EIF4EBP1: variants seen among roughly 807,000 people sequenced by gnomAD.
EIF4EBP1 encodes eukaryotic translation initiation factor 4E-binding protein 1.
A neutral mutation model predicts 9.2 loss-of-function variants in EIF4EBP1; 5 were observed. That is an observed-to-expected ratio of 0.54 (90% CI 0.28 to 1.14). The LOEUF (loss-of-function observed/expected upper bound fraction) is 1.14. Ranked by LOEUF, EIF4EBP1 falls within the 50% of genes most tolerant of loss-of-function variation. EIF4EBP1 has a pLI of 0.09. For missense variants in EIF4EBP1, 139 were observed against 169.6 expected, an observed-to-expected ratio of 0.82 and a Z score of 1.00; for synonymous variants, 62 against 67.0, an observed-to-expected ratio of 0.93 and a Z score of 0.36.
At chr8:38,052,659 A>T (rs1809540605) in intron 1 of EIF4EBP1, among the ~76,000 whole-genome samples, 1 of 151,880 alleles carries the variant, frequency 6.6e-6, no homozygotes, top group African/African-American at 2.4e-5. Flanking sequence ...CAGAGGTTAC[A>T]GTGAGCCGAG....
chr8:38,056,560 C>A (rs1053826587), intron 1 of EIF4EBP1, among the ~76,000 whole-genome samples: 1 of 152,164 alleles, frequency 6.6e-6, no homozygotes, highest in South Asian at 2.1e-4. Context: ...GGCCTGCAGA[C>A]CCCTTCCATT....
At chr8:38,051,817 G>A (rs531913600) in intron 1 of EIF4EBP1, among the ~76,000 whole-genome samples, 141 of 152,166 alleles carry the variant, frequency 9.3e-4, no homozygotes, top group Middle Eastern at 3.4e-3. Context: ...GGCTGGTCTC[G>A]AACTCCTGAC....
rs888102587 is a variant in EIF4EBP1 at position 38,060,315 on chromosome 8, C to G, written c.*380C>G. 2.9e-5 allele frequency: 9 copies of G among 314,808 alleles called. No homozygotes were observed. Among genetic ancestry groups the G allele is most frequent in the Non-Finnish European group, 4.2e-5 (7 of 167,214 alleles). 19.5% of individuals were successfully genotyped at this position (314,808 alleles called of 1,614,324 possible). ...GATGTGCTTGGGAAAGCTCCCTCCC[C>G]CTCCTTCCCCAAGAGAGGAAATAAA... On this transcript the variant is annotated 3_prime_UTR_variant, in exon 3 of 3. Coordinates refer to ENST00000338825, the MANE Select transcript of EIF4EBP1 (RefSeq NM_004095.4).
chr8:38,053,364 C>A (rs1809551715), intron 1 of EIF4EBP1, among the ~76,000 whole-genome samples: 1 of 152,092 alleles, frequency 6.6e-6, no homozygotes, highest in Non-Finnish European at 1.5e-5. Context: ...TGTTCTGTCG[C>A]CCAGGCTGGA....
At chr8:38,040,322 G>A (rs1226662058) in intron 1 of EIF4EBP1, among the ~76,000 whole-genome samples, 1 of 152,200 alleles carries the variant, frequency 6.6e-6, no homozygotes, top group African/African-American at 2.4e-5. Context: ...ATTTGGGTAT[G>A]CACAGCAAAG....
At chr8:38,050,722 C>T (rs1563235116) in intron 1 of EIF4EBP1, among the ~76,000 whole-genome samples, 1 of 152,126 alleles carries the variant, frequency 6.6e-6, no homozygotes, top group Non-Finnish European at 1.5e-5. Context: ...AACTGATCCT[C>T]CCACCTCAGC....
At chr8:38,040,456 G>C (rs1809361957) in intron 1 of EIF4EBP1, among the ~76,000 whole-genome samples, 1 of 152,190 alleles carries the variant, frequency 6.6e-6, no homozygotes, top group Admixed American at 6.5e-5. Context: ...GTATCAGTTA[G>C]CTATTGCTAT....
intron 1 of EIF4EBP1, among the ~76,000 whole-genome samples, chr8:38,053,818 A>G (rs1809556273): frequency 6.6e-6 from 1 of 152,202 alleles, no homozygotes; most frequent in Non-Finnish European, 1.5e-5. Flanking sequence ...CAAATCCTGT[A>G]TGATTTCACT....
rs547948030 is a variant in EIF4EBP1, at chr8:38,051,876, C to T, written c.146-5205C>T. ...CCTCCCAAAGTGCTGGGATTACAGG[C>T]GTGAGCCACTGCGCCCAGCCTGTTT... On this transcript the variant is annotated intron_variant, in intron 1 of 2. Transcript: ENST00000338825. 9.9e-4 allele frequency among the ~76,000 whole-genome samples: 151 copies of T among 152,254 alleles called. 3 individuals carry two copies. The highest frequency in any genetic ancestry group is 1.8e-4 in the Non-Finnish European group (12 of 68,018).
At chr8:38,058,563 A>G (rs1267134973) in intron 2 of EIF4EBP1, among the ~76,000 whole-genome samples, 6 of 152,040 alleles carry the variant, frequency 3.9e-5, no homozygotes, top group Non-Finnish European at 8.8e-5. Flanking sequence ...GGACCCCCCA[A>G]ACTCATGTCC....
At position 38,048,364 on chromosome 8, in the gene EIF4EBP1, C is replaced by G. The variant is rs978395559; in HGVS notation, c.146-8717C>G. Among the ~76,000 whole-genome samples, 8 of 151,910 alleles carry G rather than the reference C, an allele frequency of 5.3e-5. 1 individual carries two copies. The highest frequency in any genetic ancestry group is 2.6e-4 in the Admixed American group (4 of 15,236). ...AGCCAAGTACTATCTATAATAATAG[C>G]ATTTCCACTTTTATATATATATATT... On this transcript the variant is annotated intron_variant, in intron 1 of 2. Coordinates refer to ENST00000338825, the MANE Select transcript of EIF4EBP1 (RefSeq NM_004095.4).
intron 1 of EIF4EBP1, among the ~76,000 whole-genome samples, chr8:38,052,851 C>T (rs1473968664): frequency 6.6e-6 from 1 of 152,130 alleles, no homozygotes; most frequent in Non-Finnish European, 1.5e-5. Flanking sequence ...CCTCACCCAG[C>T]CTTCGGCTGA....
intron 1 of EIF4EBP1, among the ~76,000 whole-genome samples, chr8:38,043,748 A>AC (rs1809414892): frequency 6.6e-6 from 1 of 151,830 alleles, no homozygotes; most frequent in South Asian, 2.1e-4. Context: ...GCTTCATAAG[A>AC]CCCCTGGCCC....
chr8:38,057,135 T>G lies in EIF4EBP1; in HGVS notation c.200T>G (p.Val67Gly). 1 of 1,614,228 alleles carries G rather than the reference T, an allele frequency of 6.2e-7. No individual in the cohort carries two copies. Among genetic ancestry groups the G allele is most frequent in the Non-Finnish European group, 8.5e-7 (1 of 1,180,048 alleles). The change falls in exon 2 of 3, where the codon GTG (valine) becomes GGG (glycine). Residue 67 changes from valine to glycine, a missense_variant. Transcript: ENST00000338825. ...CTGATGGAGTGTCGGAACTCACCTG[T>G]GACCAAAACACCCCCAAGGGATCTG... is the stretch of plus-strand genomic sequence containing the variant. ...KFLMECRNSP[V>G]TKTPPRDLPT... is the part of the protein sequence containing the mutation.
intron 1 of EIF4EBP1, among the ~76,000 whole-genome samples, chr8:38,031,681 C>T (rs538584007): frequency 1.3e-5 from 2 of 152,320 alleles, no homozygotes; most frequent in African/African-American, 4.8e-5. Flanking sequence ...GGGCCACATG[C>T]TTATTTTCTC....
intron 1 of EIF4EBP1, among the ~76,000 whole-genome samples, chr8:38,047,961 A>G (rs947680435): frequency 1.3e-5 from 2 of 152,128 alleles, no homozygotes; most frequent in African/African-American, 4.8e-5. Flanking sequence ...ACTTGAGCCC[A>G]GAAGTTTGAG....
chr8:38,039,171 C>T (rs556805021), intron 1 of EIF4EBP1, among the ~76,000 whole-genome samples: 4 of 152,068 alleles, frequency 2.6e-5, no homozygotes, highest in South Asian at 4.2e-4. Context: ...GGATTACAGG[C>T]GTGAGCCACC....
intron 1 of EIF4EBP1, among the ~76,000 whole-genome samples, chr8:38,031,107 G>C (rs761761386): frequency 1.1e-4 from 17 of 152,162 alleles, no homozygotes; most frequent in Non-Finnish European, 2.2e-4. Context: ...GTTTTTATGG[G>C]ATGGGTATTA....
chr8:38,039,043 C>T (rs1291078624), intron 1 of EIF4EBP1, among the ~76,000 whole-genome samples: 1 of 151,816 alleles, frequency 6.6e-6, no homozygotes, highest in East Asian at 1.9e-4. Flanking sequence ...CAGGCACGCG[C>T]AACCACACCC....
Sources: gnomAD v4.1 joint callset for allele counts (sites outside exome capture counted in the v4.1 genomes callset) on GRCh38, gnomAD v4.1.1 for gene constraint, MANE v1.5 for transcripts, NCBI Gene and HGNC (gene_info 2026-07-23, HGNC 2026-07-21) for gene names.